Variants in DIAPH2 observed in about 807,000 individuals in gnomAD.
DIAPH2 encodes diaphanous related formin 2, also known as protein diaphanous homolog 2.
Under a neutral mutation model 92.7 loss-of-function variants are expected in DIAPH2, and 35 were observed. That is an observed-to-expected ratio of 0.38 (90% confidence interval 0.29 to 0.50). The LOEUF is 0.50. Ranked by LOEUF, DIAPH2 falls within the 20% of genes least tolerant of loss-of-function variation. The probability of loss-of-function intolerance (pLI) is 0.94; values close to 1 mark genes in which losing one functional copy is unlikely to be tolerated. For synonymous variants in DIAPH2, 301 were observed against 280.4 expected, an observed-to-expected ratio of 1.07 and a Z score of -0.73; for missense variants, 701 against 819.5, an observed-to-expected ratio of 0.86 and a Z score of 1.77.
At chrX:96,850,066 C>T (rs2064997545) in intron 4 of DIAPH2, among the ~76,000 whole-genome samples, 1 of 110,780 alleles carries the variant, frequency 9.0e-6, no homozygotes, top group Non-Finnish European at 1.9e-5. Context: ...TCCTAGAGAC[C>T]ATGTGATATT....
intron 4 of DIAPH2, among the ~76,000 whole-genome samples, chrX:96,860,350 G>A (rs1197574025): frequency 3.6e-5 from 4 of 111,659 alleles, no homozygotes; most frequent in Non-Finnish European, 5.7e-5. Context: ...TAGACAATAC[G>A]TATGAGTGGA....
intron 23 of DIAPH2, among the ~76,000 whole-genome samples, chrX:97,337,135 T>C (rs1032586768): frequency 9.1e-6 from 1 of 109,848 alleles, no homozygotes; most frequent in African/African-American, 3.3e-5. Flanking sequence ...CTTTTCTTTT[T>C]TTTTTTTTAT....
intron 4 of DIAPH2, among the ~76,000 whole-genome samples, chrX:96,798,335 C>A (rs1345217173): frequency 9.0e-6 from 1 of 110,773 alleles, no homozygotes; most frequent in African/African-American, 3.3e-5. Flanking sequence ...ATTGGTAGTT[C>A]TTTTTACCAT....
At chrX:97,087,086 T>C (rs2066789072) in intron 19 of DIAPH2, among the ~76,000 whole-genome samples, 1 of 111,901 alleles carries the variant, frequency 8.9e-6, no homozygotes, top group Non-Finnish European at 1.9e-5. Context: ...TTCATTATTG[T>C]TTGTGTTGTG....
chrX:97,347,409 A>G (rs1450130328), intron 23 of DIAPH2, among the ~76,000 whole-genome samples: 1 of 109,773 alleles, frequency 9.1e-6, no homozygotes, highest in Non-Finnish European at 1.9e-5. Flanking sequence ...CTCTATCTCT[A>G]CTTATATAGA....
At chrX:97,350,450 C>A (rs772946758) in intron 24 of DIAPH2, among the ~76,000 whole-genome samples, 3 of 111,309 alleles carry the variant, frequency 2.7e-5, no homozygotes, top group African/African-American at 6.5e-5. Context: ...TACTTGCCCC[C>A]CCATGTTGCA....
At chrX:97,427,842 A>G (rs1428999210) in intron 25 of DIAPH2, among the ~76,000 whole-genome samples, 3 of 110,070 alleles carry the variant, frequency 2.7e-5, no homozygotes, top group African/African-American at 9.9e-5. Context: ...GCCCACCACC[A>G]TGCCTGGCTA....
chrX:97,485,566 G>T (rs1187139669), intron 26 of DIAPH2, among the ~76,000 whole-genome samples: 1 of 112,910 alleles, frequency 8.9e-6, no homozygotes, highest in Non-Finnish European at 1.9e-5. Context: ...CCAAAAGATA[G>T]ATTAAATTTG....
At chrX:97,080,857 G>A (rs1018583521) in intron 19 of DIAPH2, among the ~76,000 whole-genome samples, 18 of 111,407 alleles carry the variant, frequency 1.6e-4, no homozygotes, top group African/African-American at 5.6e-4. Flanking sequence ...AGTAGAGCTC[G>A]TTTTTGTCTC....
chrX:97,161,051 G>GTTTTTTTTTTTTTTTTTTTTTT (rs533317066), intron 22 of DIAPH2, among the ~76,000 whole-genome samples: 5 of 88,947 alleles, frequency 5.6e-5, no homozygotes, highest in Non-Finnish European at 4.4e-5. Flanking sequence ...TTGTTTTTTT[G>GTTTTTTTTTTTTTTTTTTTTTT]TTTTTTTTTT....
intron 10 of DIAPH2, among the ~76,000 whole-genome samples, chrX:96,933,617 A>G (rs2065636358): frequency 2.0e-5 from 2 of 98,908 alleles, no homozygotes; most frequent in South Asian, 9.1e-4. Context: ...TTTTATATTT[A>G]TTTTTGAGAC....
chrX:96,937,434 G>T, intron 11 of DIAPH2, 83 bp downstream of exon 11: 1 of 518,709 alleles, frequency 1.9e-6, no homozygotes, highest in African/African-American at 2.3e-5. Flanking sequence ...CATTATTAGA[G>T]TTCTTGTCTG....
chrX:97,115,276 C>G (rs2067008318), intron 21 of DIAPH2, among the ~76,000 whole-genome samples: 1 of 111,662 alleles, frequency 9.0e-6, no homozygotes, highest in Non-Finnish European at 1.9e-5. Flanking sequence ...TGGCTCACAC[C>G]TGTAATCCCA....
At chrX:96,749,645 T>C (rs1398048395) in intron 3 of DIAPH2, among the ~76,000 whole-genome samples, 1 of 112,183 alleles carries the variant, frequency 8.9e-6, no homozygotes, top group East Asian at 2.8e-4. Context: ...CCAGTTATTC[T>C]TGCAACTAAT....
At chrX:97,389,820 G>A (rs1335807172) in intron 25 of DIAPH2, among the ~76,000 whole-genome samples, 1 of 110,169 alleles carries the variant, frequency 9.1e-6, no homozygotes, top group African/African-American at 3.3e-5. Context: ...AGTGGATCTC[G>A]GAGAGTAGGG....
intron 4 of DIAPH2, among the ~76,000 whole-genome samples, chrX:96,797,829 T>C (rs2064552452): frequency 1.8e-5 from 2 of 112,878 alleles, no homozygotes; most frequent in African/African-American, 6.4e-5. Context: ...CATGTCTGTC[T>C]TTCTGACTGC....
At chrX:97,273,048 G>A (rs765278624) in intron 23 of DIAPH2, among the ~76,000 whole-genome samples, 5 of 111,813 alleles carry the variant, frequency 4.5e-5, no homozygotes, top group South Asian at 3.7e-4. Context: ...CCAGCTACTC[G>A]GGAGGCTGAG....
chrX:97,222,434 C>A (rs1412068644), intron 22 of DIAPH2, among the ~76,000 whole-genome samples: 1 of 111,901 alleles, frequency 8.9e-6, no homozygotes, highest in African/African-American at 3.3e-5. Context: ...AAATTCCTGA[C>A]CTCAGGTGAT....
intron 17 of DIAPH2, among the ~76,000 whole-genome samples, chrX:97,014,499 T>G (rs1370566093): frequency 8.9e-6 from 1 of 112,428 alleles, no homozygotes; most frequent in Non-Finnish European, 1.9e-5. Flanking sequence ...CATAATGTTT[T>G]TATCTGTTTT....
Sources: gnomAD v4.1 joint callset for allele counts (sites outside exome capture counted in the v4.1 genomes callset) on GRCh38, gnomAD v4.1.1 for gene constraint, MANE v1.5 for transcripts, NCBI Gene and HGNC (gene_info 2026-07-23, HGNC 2026-07-21) for gene names.